Variants in SYNE1 observed in about 807,000 individuals in gnomAD.
The protein encoded by SYNE1 is spectrin repeat containing nuclear envelope protein 1.
A neutral mutation model predicts 1,111.0 loss-of-function variants in SYNE1; 616 were observed. The observed-to-expected ratio is 0.55, with a 90% CI of 0.52 to 0.59. The LOEUF is 0.59. Among genes scored for constraint, SYNE1 ranks in the 20% least tolerant of loss-of-function variants. SYNE1 has a pLI of 0.00. For missense variants in SYNE1, 10,006 were observed against 10,417.0 expected, an observed-to-expected ratio of 0.96 and a Z score of 1.72; for synonymous variants, 3,855 against 3,825.8, an observed-to-expected ratio of 1.01 and a Z score of -0.28.
At chr6:152,187,057 C>T (rs1035584588) in intron 128 of SYNE1, among the ~76,000 whole-genome samples, 7 of 152,156 alleles carry the variant, frequency 4.6e-5, no homozygotes, top group East Asian at 3.9e-4. Flanking sequence ...ACCCTCTATG[C>T]GTAAATCCAT....
intron 3 of SYNE1, among the ~76,000 whole-genome samples, chr6:152,553,799 T>C (rs568417960): frequency 6.6e-6 from 1 of 152,304 alleles, no homozygotes; most frequent in East Asian, 1.9e-4. Context: ...AGAAGGAATT[T>C]TGTCAGCAGG....
chr6:152,198,337 G>A (rs1331159025), intron 127 of SYNE1, among the ~76,000 whole-genome samples: 1 of 152,168 alleles, frequency 6.6e-6, no homozygotes, highest in African/African-American at 2.4e-5. Context: ...TTAGGCTTTG[G>A]CTTAAAGGAA....
At position 152,323,489 on chromosome 6, in the gene SYNE1, A is replaced by C; in HGVS notation, c.15906T>G (p.Asp5302Glu). The part of the protein sequence containing the change: ...PLMQEITAMQ[D>E]RCLNMQEKVK... ...AGGTGCTTAATTACTTCAGGCACCG[A>C]TCTTGCATGGCGGTGATTTCCTGCA... is the stretch of plus-strand genomic sequence containing the variant. The change falls in exon 82 of 146, where the codon GAT (aspartate) becomes GAG (glutamate). Residue 5302 changes from aspartate to glutamate, a missense_variant. Coordinates refer to ENST00000367255, the MANE Select transcript of SYNE1 (RefSeq NM_182961.4). 2 of 1,613,914 alleles carry C rather than the reference A, an allele frequency of 1.2e-6. No individual in the cohort carries two copies. Among genetic ancestry groups the C allele is most frequent in the Non-Finnish European group, 1.7e-6 (2 of 1,180,032 alleles).
intron 76 of SYNE1, chr6:152,336,158 G>T (rs892764628): frequency 6.1e-5 from 9 of 147,112 alleles, no homozygotes; most frequent in African/African-American, 2.3e-4. Context: ...TCTAAAAAAA[G>T]AATAATGTTC....
chr6:152,340,437 T>C (rs2096509077), intron 74 of SYNE1, among the ~76,000 whole-genome samples: 3 of 152,154 alleles, frequency 2.0e-5, no homozygotes, highest in South Asian at 4.1e-4. Flanking sequence ...TTCTTTGTTG[T>C]GGGGCTGACT....
At chr6:152,394,545 T>C (rs1334762214) in intron 51 of SYNE1, among the ~76,000 whole-genome samples, 1 of 151,346 alleles carries the variant, frequency 6.6e-6, no homozygotes, top group Non-Finnish European at 1.5e-5. Flanking sequence ...CAATGTAGGG[T>C]CAAAAGCACA....
At chr6:152,166,418 G>A (rs2063670942) in intron 130 of SYNE1, among the ~76,000 whole-genome samples, 1 of 152,068 alleles carries the variant, frequency 6.6e-6, no homozygotes, top group Admixed American at 6.5e-5. Flanking sequence ...TTTACTTCTA[G>A]ATTCAACATT....
At chr6:152,332,035 T>C in intron 77 of SYNE1, 145 bp from the exon 78 acceptor site, 6 of 1,220,822 alleles carry the variant, frequency 4.9e-6, no homozygotes, top group Non-Finnish European at 7.0e-6. Flanking sequence ...CAATGAATGC[T>C]CTGATCTCAG....
intron 3 of SYNE1, among the ~76,000 whole-genome samples, chr6:152,573,937 G>T (rs9478337): frequency 0.036 from 5,502 of 152,084 alleles, 345 homozygotes; most frequent in African/African-American, 0.13. Context: ...TGGAAGCACA[G>T]AACATATTTT....
rs1286705475 is a variant in SYNE1, at chr6:152,206,287, A to G, written c.22900T>C (p.Ser7634Pro). The G allele has an allele frequency of 1.2e-6, 2 of 1,614,034 alleles. No individual in the cohort carries two copies. Among genetic ancestry groups the G allele is most frequent in the South Asian group, 2.2e-5 (2 of 91,072 alleles). Residue 7634 changes from serine (S) to proline (P), a missense_variant, in exon 126 of 146, where the codon TCG (serine) becomes CCG (proline). Ser to Pro is a moderately conservative substitution (Grantham distance 74, BLOSUM62 -1). Transcript: ENST00000367255. ...TVEAGKQLLL[S>P]ADSGAEAALQ... ...GCGGCCTCAGCGCCACTGTCCGCCGAGAGAAGGAGTTGCTTGCCAGCCTCC... is the reference window on the plus strand; with the variant it reads ...GCGGCCTCAGCGCCACTGTCCGCCGGGAGAAGGAGTTGCTTGCCAGCCTCC...
chr6:152,472,304 T>C lies in SYNE1; in HGVS notation c.1460A>G (p.Glu487Gly), dbSNP rs1459244405. The C allele has an allele frequency of 6.2e-7, 1 of 1,612,406 alleles. No homozygotes were observed. Among genetic ancestry groups the C allele is most frequent in the Non-Finnish European group, 8.5e-7 (1 of 1,178,466 alleles). ...VPPDQLEDMA[E>G]RFHFVSSTSE... ...TTAAATGCAGATATTCTCTTACCTC[T>C]CGGCCATGTCCTCTAATTGATCAGG... The change falls in exon 15 of 146, where the codon GAG (glutamate) becomes GGG (glycine). Residue 487 changes from glutamate (E) to glycine (G), a missense_variant. Around this residue, in one of 7 missense-constraint regions of SYNE1, gnomAD observed 1,971 missense variants for 2,084.1 expected, o/e 0.95. Coordinates refer to ENST00000367255, the MANE Select transcript of SYNE1 (RefSeq NM_182961.4).
chr6:152,322,634 G>A (rs959290117), intron 82 of SYNE1, among the ~76,000 whole-genome samples: 3 of 152,126 alleles, frequency 2.0e-5, no homozygotes, highest in African/African-American at 7.2e-5. Flanking sequence ...TCAAATCTAA[G>A]TTCTTAATAG....
At position 152,396,833 on chromosome 6, in the gene SYNE1, G is replaced by A. The variant is rs762389990; in HGVS notation, c.7498C>T (p.Leu2500=). 6.2e-7 allele frequency: 1 copy of A among 1,614,166 alleles called. No individual in the cohort carries two copies. The highest frequency in any genetic ancestry group is 8.5e-7 in the Non-Finnish European group (1 of 1,180,020). ...TGCTTATCTTTAAGGCATTGTTTCA[G>A]AAATGCTTGAAACTCTTCATTGGCC... ...TKANEEFQAF[L]KQCLKDKQAL... is the part of the protein sequence containing the mutation. Residue 2500 remains leucine (L), a synonymous_variant, in exon 50 of 146, where the codon CTG becomes TTG. Transcript: ENST00000367255.
At chr6:152,239,291 T>A (rs1278847949) in intron 108 of SYNE1, among the ~76,000 whole-genome samples, 3 of 152,076 alleles carry the variant, frequency 2.0e-5, no homozygotes, top group Admixed American at 2.0e-4. Context: ...TCATGCATAG[T>A]CTGAAGTCAG....
At chr6:152,557,180 A>G (rs1286380303) in intron 3 of SYNE1, among the ~76,000 whole-genome samples, 2 of 152,122 alleles carry the variant, frequency 1.3e-5, no homozygotes, top group Non-Finnish European at 1.5e-5. Flanking sequence ...AAAATTGCAT[A>G]GACAGCTTCG....
chr6:152,515,221 C>CAA (rs543960619), intron 6 of SYNE1, among the ~76,000 whole-genome samples: 3 of 100,814 alleles, frequency 3.0e-5, no homozygotes, highest in African/African-American at 1.0e-4. Flanking sequence ...GAGTCTGTCT[C>CAA]AAAAAAAAAA....
At chr6:152,520,627 A>G in intron 5 of SYNE1, 85 bp from the exon 6 acceptor site, 1 of 1,439,036 alleles carries the variant, frequency 6.9e-7, no homozygotes, top group Non-Finnish European at 9.7e-7. Flanking sequence ...ATGGATTAAA[A>G]ATATACTTGA....
intron 66 of SYNE1, among the ~76,000 whole-genome samples, chr6:152,356,626 C>G (rs1447685681): frequency 6.6e-6 from 1 of 151,486 alleles, no homozygotes; most frequent in Non-Finnish European, 1.5e-5. Context: ...GAATATGTTC[C>G]ACATTACTGG....
At chr6:152,457,420 A>G (rs1254211979) in intron 22 of SYNE1, among the ~76,000 whole-genome samples, 3 of 152,182 alleles carry the variant, frequency 2.0e-5, no homozygotes, top group Non-Finnish European at 4.4e-5. Flanking sequence ...AACCTATGTC[A>G]ATTAATGCAG....
Sources: allele counts gnomAD v4.1 joint callset (sites outside exome capture counted in the v4.1 genomes callset), GRCh38; gene constraint gnomAD v4.1.1; regional missense constraint gnomAD v4.1.1; transcripts MANE v1.5; gene names NCBI Gene and HGNC (gene_info 2026-07-23, HGNC 2026-07-21).